Variants in CCDC181 observed in about 807,000 individuals in gnomAD.
The protein encoded by CCDC181 is coiled-coil domain containing 181, also known as coiled-coil domain-containing protein 181.
A neutral mutation model predicts 58.7 loss-of-function variants in CCDC181; 35 were observed. The observed-to-expected ratio is 0.60, with a 90% CI of 0.46 to 0.79. CCDC181 has a LOEUF of 0.79. CCDC181 is among the 30% of genes least tolerant of loss of function. The pLI is 0.00. For missense variants in CCDC181, 517 were observed against 583.9 expected (o/e 0.89, Z 1.18); for synonymous variants, 183 against 197.5 (o/e 0.93, Z 0.62).
chr1:169,398,595 C>T (rs1175098443), intron 4 of CCDC181, among the ~76,000 whole-genome samples: 1 of 152,170 alleles, frequency 6.6e-6, no homozygotes, highest in Admixed American at 6.5e-5. Context: ...ACATTCTGTA[C>T]TGTACAATAC....
chr1:169,395,194 C>A lies in CCDC181; in HGVS notation c.1383G>T (p.Arg461Ser). ...GCTCTGCCATTTTTTCCATCCGTTT[C>A]CTTCTTAACCATCTGTAGAAACAGG... Reference protein sequence around the residue: ...RERAFKQWLRRKRMEKMAEQQ... With the variant: ...RERAFKQWLRSKRMEKMAEQQ... Residue 461 changes from arginine to serine, a missense_variant, in exon 6 of 6, where the codon AGG becomes AGT. Coordinates refer to ENST00000367806, the MANE Select transcript of CCDC181 (RefSeq NM_001300969.2). 2 of 1,610,974 alleles carry A rather than the reference C, an allele frequency of 1.2e-6. No individual in the cohort carries two copies. Among genetic ancestry groups the A allele is most frequent in the East Asian group, 4.5e-5 (2 of 44,764 alleles).
chr1:169,413,769 A>G (rs1197494604), intron 4 of CCDC181, among the ~76,000 whole-genome samples: 1 of 152,226 alleles, frequency 6.6e-6, no homozygotes, highest in East Asian at 1.9e-4. Context: ...TAACACAGGA[A>G]TAGAAAACCA....
intron 2 of CCDC181, among the ~76,000 whole-genome samples, chr1:169,449,566 AG>A (rs1029951098): frequency 2.6e-5 from 4 of 152,266 alleles, no homozygotes; most frequent in African/African-American, 9.6e-5. Flanking sequence ...CCTCAAAAGC[AG>A]GGAAGCCAAT....
chr1:169,401,016 C>T (rs1414412399), intron 4 of CCDC181, among the ~76,000 whole-genome samples: 3 of 152,210 alleles, frequency 2.0e-5, no homozygotes, highest in Non-Finnish European at 2.9e-5. Flanking sequence ...GCACCTGGCT[C>T]AGAGGGTCCC....
At chr1:169,416,508 A>G (rs1656221366) in intron 4 of CCDC181, among the ~76,000 whole-genome samples, 1 of 152,190 alleles carries the variant, frequency 6.6e-6, no homozygotes, top group Non-Finnish European at 1.5e-5. Flanking sequence ...ACAGTTATTT[A>G]ATATAGAACC....
intron 4 of CCDC181, among the ~76,000 whole-genome samples, chr1:169,398,284 G>T (rs1407933456): frequency 1.3e-5 from 2 of 152,146 alleles, no homozygotes; most frequent in African/African-American, 2.4e-5. Flanking sequence ...AAATAATGAG[G>T]AGAGGATTTT....
At position 169,394,910 on chromosome 1, in the gene CCDC181, TAAA is replaced by T; in HGVS notation, c.*134_*136del. ...AAAAAAATTTATTTTGTTCTAGTATTAAAAAAACAAATTCACTGTCAATAAAAG... is the reference window on the plus strand; with the variant it reads ...AAAAAAATTTATTTTGTTCTAGTATTAAAACAAATTCACTGTCAATAAAAG... On this transcript the variant is annotated 3_prime_UTR_variant, in exon 6 of 6. Transcript: ENST00000367806. 2.6e-6 allele frequency: 2 copies of T among 783,812 alleles called. No individual in the cohort carries two copies. Among genetic ancestry groups the T allele is most frequent in the East Asian group, 3.0e-5 (1 of 33,748 alleles). 48.6% of individuals were successfully genotyped at this position (783,812 alleles called of 1,614,324 possible).
intron 5 of CCDC181, 79 bp downstream of exon 5, chr1:169,397,158 T>C (rs1444396247): frequency 8.3e-6 from 11 of 1,330,042 alleles, no homozygotes; most frequent in Non-Finnish European, 1.0e-5. Flanking sequence ...GTTTTTTTTT[T>C]CCAATCTTAA....
intron 4 of CCDC181, among the ~76,000 whole-genome samples, chr1:169,404,838 T>G (rs1340880129): frequency 6.6e-6 from 1 of 152,034 alleles, no homozygotes; most frequent in African/African-American, 2.4e-5. Flanking sequence ...AGAAATAAAG[T>G]GTATTCAATT....
chr1:169,398,370 ACAT>A (rs918539389), intron 4 of CCDC181, among the ~76,000 whole-genome samples: 23 of 152,220 alleles, frequency 1.5e-4, no homozygotes, highest in African/African-American at 5.5e-4. Flanking sequence ...ATGTATCAAA[ACAT>A]CACACTGTAC....
intron 2 of CCDC181, among the ~76,000 whole-genome samples, chr1:169,436,990 AT>A (rs771611463): frequency 0.02 from 2,951 of 147,564 alleles, 86 homozygotes; most frequent in African/African-American, 0.067. Flanking sequence ...CAGAGCTGAC[AT>A]TTTTTTTTTT....
At chr1:169,456,627 C>G (rs1657682354) in intron 2 of CCDC181, among the ~76,000 whole-genome samples, 1 of 152,018 alleles carries the variant, frequency 6.6e-6, no homozygotes, top group Non-Finnish European at 1.5e-5. Flanking sequence ...TCTAAGTTAG[C>G]ACATTATCAT....
chr1:169,418,607 T>A (rs566255249), intron 4 of CCDC181, among the ~76,000 whole-genome samples: 15 of 152,140 alleles, frequency 9.9e-5, no homozygotes, highest in African/African-American at 2.9e-4. Context: ...TTAGTTTTTT[T>A]AATTCTTTTA....
At chr1:169,417,805 T>C (rs1656280360) in intron 4 of CCDC181, among the ~76,000 whole-genome samples, 2 of 151,818 alleles carry the variant, frequency 1.3e-5, no homozygotes, top group South Asian at 4.2e-4. Flanking sequence ...GGATAAAAGC[T>C]CAGTTATTAG....
rs1656760265 is a variant in CCDC181, at chr1:169,427,371, G to GCTTCA, written c.-108_-107insTGAAG. 6.6e-6 allele frequency: 1 copy of GCTTCA among 152,270 alleles called. No individual in the cohort carries two copies. The highest frequency in any genetic ancestry group is 2.1e-4 in the South Asian group (1 of 4,830). 9.4% of individuals were successfully genotyped at this position (152,270 alleles called of 1,614,324 possible). On this transcript the variant is annotated 5_prime_UTR_variant, in exon 1 of 6. It removes the in-frame stop codon of an upstream open reading frame in the 5' UTR. Coordinates refer to ENST00000367806, the MANE Select transcript of CCDC181 (RefSeq NM_001300969.2). ...CTCTTTCTAAGCTCTTCACATTGAG[G>GCTTCA]CAAAGGAGACCCCGGCACCTGCCTC... is the stretch of plus-strand genomic sequence containing the variant.
At chr1:169,432,709 G>T (rs550223641) in intron 2 of CCDC181, among the ~76,000 whole-genome samples, 1 of 151,972 alleles carries the variant, frequency 6.6e-6, no homozygotes, top group Admixed American at 6.6e-5. Context: ...TACAAAAATC[G>T]ATGCAGTATT....
chr1:169,404,137 G>A (rs1368060204), intron 4 of CCDC181, among the ~76,000 whole-genome samples: 4 of 151,978 alleles, frequency 2.6e-5, no homozygotes, highest in East Asian at 3.9e-4. Context: ...CTGAATAGAC[G>A]AATAACAGGC....
At chr1:169,404,734 CT>C in intron 4 of CCDC181, among the ~76,000 whole-genome samples, 2 of 152,304 alleles carry the variant, frequency 1.3e-5, no homozygotes, top group South Asian at 4.1e-4. Flanking sequence ...GAAGCATTCC[CT>C]TTGAAAACTG....
Position 169,421,417 on chromosome 1 carries a change from T to C in CCDC181, c.1014A>G (p.Arg338=). The part of the protein sequence containing the change: ...PVTSTYCLSP[R]QKELQKQLEE... ...CTAGTTGTTTTTGTAGTTCTTTCTGTCGAGGGGAAAGACAGTATGTTGAAG... is the reference window on the plus strand; with the variant it reads ...CTAGTTGTTTTTGTAGTTCTTTCTGCCGAGGGGAAAGACAGTATGTTGAAG... The change falls in exon 3 of 6, where the codon CGA becomes CGG. Residue 338 remains arginine, a synonymous_variant. Transcript: ENST00000367806. 1 of 1,613,618 alleles carries C rather than the reference T, an allele frequency of 6.2e-7. No individual in the cohort carries two copies. The highest frequency in any genetic ancestry group is 1.1e-5 in the South Asian group (1 of 91,030).
Sources: gnomAD v4.1 joint callset for allele counts (sites outside exome capture counted in the v4.1 genomes callset) on GRCh38, gnomAD v4.1.1 for gene constraint, MANE v1.5 for transcripts, NCBI Gene and HGNC (gene_info 2026-07-23, HGNC 2026-07-21) for gene names.